SNX25: variants seen among roughly 807,000 people sequenced by gnomAD.
SNX25 encodes the protein sorting nexin 25.
In SNX25, 62 loss-of-function variants were observed where a neutral mutation model predicts 113.7. The ratio of observed to expected loss-of-function variants is 0.55; its 90% CI spans 0.44 to 0.67. The LOEUF (loss-of-function observed/expected upper bound fraction) is 0.67. Among genes scored for constraint, SNX25 ranks in the 30% least tolerant of loss-of-function variants. The pLI, the probability that SNX25 is intolerant of heterozygous loss-of-function variation, is 0.00. For synonymous variants in SNX25, 421 were observed against 436.2 expected (o/e 0.97, Z 0.43); for missense variants, 1,014 against 1,161.0 (o/e 0.87, Z 1.84).
chr4:185,368,339 G>A (rs946142802), downstream of SNX25, among the ~76,000 whole-genome samples: 19 of 152,136 alleles, frequency 1.2e-4, no homozygotes, highest in African/African-American at 4.6e-4. Flanking sequence ...CCGAGAGCAG[G>A]CCTGGGTCTG....
At chr4:185,239,920 G>A (rs12507014) in intron 1 of SNX25, among the ~76,000 whole-genome samples, 48,345 of 147,994 alleles carry the variant, frequency 0.33, 9,618 homozygotes, top group East Asian at 0.52. Flanking sequence ...GCGGCCTTCC[G>A]CAGTGTTTGT....
At chr4:185,233,654 C>A (rs779348689) in intron 1 of SNX25, among the ~76,000 whole-genome samples, 1 of 152,076 alleles carries the variant, frequency 6.6e-6, no homozygotes, top group Non-Finnish European at 1.5e-5. Context: ...AAACTGCTAT[C>A]TGCCTGTGTA....
At chr4:185,276,795 C>G (rs1164836127) in intron 5 of SNX25, among the ~76,000 whole-genome samples, 4 of 152,214 alleles carry the variant, frequency 2.6e-5, no homozygotes, top group Non-Finnish European at 5.9e-5. Flanking sequence ...CTGGCAGGTC[C>G]AGGATCCACC....
chr4:185,325,850 G>A (rs1302924024), intron 9 of SNX25, among the ~76,000 whole-genome samples: 2 of 152,150 alleles, frequency 1.3e-5, no homozygotes, highest in African/African-American at 2.4e-5. Flanking sequence ...CCTGTACAGG[G>A]ACTGTGTACA....
chr4:185,346,438 G>A (rs537937272), intron 12 of SNX25, 99 bp from the exon 13 acceptor site: 1 of 793,532 alleles, frequency 1.3e-6, no homozygotes, highest in East Asian at 2.9e-5. Flanking sequence ...AACAAGTACA[G>A]GAGGAGGATA....
At chr4:185,213,750 GTT>G (rs1296565472) in intron 1 of SNX25, among the ~76,000 whole-genome samples, 1 of 152,184 alleles carries the variant, frequency 6.6e-6, no homozygotes, top group East Asian at 1.9e-4. Context: ...TGAATCCATA[GTT>G]TAGAAAAACT....
rs2095374792 is a variant in SNX25, at chr4:185,363,290, TA to T, written c.2935-91del. On this transcript the variant is annotated intron_variant, in intron 18 of 18. Coordinates refer to ENST00000652585, the MANE Select transcript of SNX25 (RefSeq NM_001378034.2). This position sits in a 1 kb window ranked among gnomAD's most constrained non-coding sequence, Gnocchi z 4.2. ...TTGTTTACTGAGATAATTTCAGACC[TA>T]AAATTAGACTTTTCTCTTAGATGCA... is the stretch of plus-strand genomic sequence containing the variant. The T allele has an allele frequency of 1.7e-6, 2 of 1,184,886 alleles. No homozygotes were observed. The highest frequency in any genetic ancestry group is 1.5e-5 in the African/African-American group (1 of 65,218). The allele number at this position is 1,184,886 out of a possible 1,614,324, so 73.4% of individuals were successfully genotyped here. A position where few individuals can be genotyped will look rare whatever the true frequency, so the allele number is the denominator to read the frequency against.
At chr4:185,303,311 A>G (rs1311929478) in intron 6 of SNX25, among the ~76,000 whole-genome samples, 1 of 152,276 alleles carries the variant, frequency 6.6e-6, no homozygotes, top group Non-Finnish European at 1.5e-5. Context: ...ACATATTGCA[A>G]GCCTGTTGGA....
At chr4:185,322,634 T>A (rs2095129350) in intron 8 of SNX25, among the ~76,000 whole-genome samples, 1 of 152,242 alleles carries the variant, frequency 6.6e-6, no homozygotes, top group Non-Finnish European at 1.5e-5. Flanking sequence ...AATATTGTAG[T>A]TGCTAACTCT....
chr4:185,321,720 T>G (rs1446712757), intron 8 of SNX25, among the ~76,000 whole-genome samples: 5 of 152,192 alleles, frequency 3.3e-5, no homozygotes, highest in African/African-American at 1.2e-4. Context: ...CAGTCAGCCT[T>G]CCTTATCTGT....
exon 12 of SNX25, chr4:185,369,931 G>A: frequency 3.5e-6 from 1 of 289,014 alleles, no homozygotes; most frequent in South Asian, 3.3e-5. Flanking sequence ...CACTCAGGCT[G>A]AACAATCTGT....
downstream of SNX25, among the ~76,000 whole-genome samples, chr4:185,371,726 G>T (rs1262826259): frequency 6.6e-6 from 1 of 152,148 alleles, no homozygotes; most frequent in African/African-American, 2.4e-5. Flanking sequence ...TAAAGTCTTA[G>T]TTCTAACTAA....
chr4:185,357,437 A>G (rs2095344195), intron 15 of SNX25, among the ~76,000 whole-genome samples: 1 of 152,216 alleles, frequency 6.6e-6, no homozygotes, highest in Non-Finnish European at 1.5e-5. Context: ...GTTGGGAGGC[A>G]CTGAAACACT....
chr4:185,236,870 C>G (rs1742722044), intron 1 of SNX25, among the ~76,000 whole-genome samples: 1 of 152,032 alleles, frequency 6.6e-6, no homozygotes, highest in Non-Finnish European at 1.5e-5. Context: ...AAGTAACTTG[C>G]CCAAGGTTAC....
Position 185,346,525 on chromosome 4 carries a change from T to C in SNX25, c.2188-12T>C, listed in dbSNP as rs777535648. ...TTTCAAAATACTAACATTTCATTTTTTCCCCCCACAGTGCGTCCCTTCTTT... is the reference window on the plus strand; with the variant it reads ...TTTCAAAATACTAACATTTCATTTTCTCCCCCCACAGTGCGTCCCTTCTTT... On this transcript the variant is annotated splice_polypyrimidine_tract_variant and intron_variant, in intron 12 of 18. Transcript: ENST00000652585. 7.3e-6 allele frequency: 11 copies of C among 1,514,936 alleles called. No homozygotes were observed. Among genetic ancestry groups the C allele is most frequent in the South Asian group, 1.2e-5 (1 of 82,418 alleles). 93.8% of individuals were successfully genotyped at this position (1,514,936 alleles called of 1,614,324 possible). A position where few individuals can be genotyped will look rare whatever the true frequency, so the allele number is the denominator to read the frequency against.
intron 3 of SNX25, among the ~76,000 whole-genome samples, chr4:185,260,928 C>T (rs367670969): frequency 3.3e-5 from 5 of 152,294 alleles, no homozygotes; most frequent in East Asian, 3.9e-4. Context: ...CCTCTCCTTT[C>T]GAAGTGTTCA....
intron 5 of SNX25, among the ~76,000 whole-genome samples, chr4:185,284,882 G>T (rs1180729369): frequency 6.6e-6 from 1 of 152,142 alleles, no homozygotes; most frequent in Non-Finnish European, 1.5e-5. Flanking sequence ...GCATTCAAAG[G>T]ACCATCCGTG....
intron 1 of SNX25, among the ~76,000 whole-genome samples, chr4:185,219,818 C>T (rs1579328371): frequency 6.6e-6 from 1 of 152,202 alleles, no homozygotes; most frequent in Admixed American, 6.5e-5. Flanking sequence ...CCGAGGGCTG[C>T]TTGCAGGCTG....
chr4:185,227,401 C>G (rs972019363), intron 1 of SNX25, among the ~76,000 whole-genome samples: 1 of 152,354 alleles, frequency 6.6e-6, no homozygotes, highest in Middle Eastern at 3.4e-3. Context: ...CCTTTTTAGC[C>G]TTCACTTGTA....
Sources: allele counts gnomAD v4.1 joint callset (sites outside exome capture counted in the v4.1 genomes callset), GRCh38; gene constraint gnomAD v4.1.1; non-coding constraint Gnocchi (gnomAD v3.1); transcripts MANE v1.5; gene names NCBI Gene and HGNC (gene_info 2026-07-23, HGNC 2026-07-21).